USH2A: variants seen among roughly 807,000 people sequenced by gnomAD.
USH2A encodes the protein usherin, also known as Usher syndrome 2A (autosomal recessive, mild).
A neutral mutation model predicts 538.9 loss-of-function variants in USH2A; 443 were observed. That is an observed-to-expected ratio of 0.82 (90% CI 0.76 to 0.89). USH2A has a LOEUF of 0.89. USH2A is among the 40% of genes least tolerant of loss of function. USH2A has a pLI of 0.00. For missense variants in USH2A, 6,633 were observed against 6,324.8 expected (o/e 1.05, Z -1.65); for synonymous variants, 2,413 against 2,273.5 (o/e 1.06, Z -1.75).
chr1:215,784,768 T>C (rs1661746461), intron 52 of USH2A, among the ~76,000 whole-genome samples: 3 of 152,344 alleles, frequency 2.0e-5, no homozygotes, highest in African/African-American at 7.2e-5. Context: ...ATTCAATTTG[T>C]AGTATTTTCT....
intron 32 of USH2A, among the ~76,000 whole-genome samples, chr1:216,022,871 C>T (rs1037240942): frequency 4.6e-5 from 7 of 152,088 alleles, no homozygotes; most frequent in African/African-American, 1.7e-4. Context: ...GGTGGAGCAG[C>T]AATGGAAGAA....
chr1:216,177,482 C>T (rs17026237), intron 20 of USH2A, among the ~76,000 whole-genome samples: 1,637 of 152,162 alleles, frequency 0.011, 22 homozygotes, highest in African/African-American at 0.038. Flanking sequence ...AAATAACAAG[C>T]CTGTGAGTTC....
intron 3 of USH2A, among the ~76,000 whole-genome samples, chr1:216,402,282 G>T (rs1260947094): frequency 6.6e-6 from 1 of 152,038 alleles, no homozygotes; most frequent in Non-Finnish European, 1.5e-5. Flanking sequence ...CAATTTATTT[G>T]AAACTAAACA....
intron 61 of USH2A, among the ~76,000 whole-genome samples, chr1:215,716,219 T>C (rs1249169019): frequency 2.0e-5 from 3 of 152,204 alleles, no homozygotes; most frequent in Non-Finnish European, 2.9e-5. Context: ...GCCCGCCAAG[T>C]AGAAAGCCGA....
chr1:216,115,909 T>A (rs1438276819), intron 21 of USH2A, among the ~76,000 whole-genome samples: 1 of 151,788 alleles, frequency 6.6e-6, no homozygotes, highest in East Asian at 1.9e-4. Context: ...CAGCATGCAT[T>A]TTTGTTTTTT....
At chr1:215,948,221 A>G (rs978077756) in intron 37 of USH2A, among the ~76,000 whole-genome samples, 5 of 151,948 alleles carry the variant, frequency 3.3e-5, no homozygotes, top group Non-Finnish European at 5.9e-5. Flanking sequence ...AACATGATAT[A>G]AAGTCCTTCC....
chr1:215,746,174 C>A (rs777701290), intron 58 of USH2A, among the ~76,000 whole-genome samples: 2 of 152,142 alleles, frequency 1.3e-5, no homozygotes, highest in Admixed American at 6.6e-5. Context: ...TGCGTGGTTT[C>A]TTTATGGGTA....
Position 216,246,956 on chromosome 1 carries a change from C to T in USH2A, c.2438G>A (p.Gly813Glu), listed in dbSNP as rs1330954314. The T allele has an allele frequency of 9.9e-6, 16 of 1,613,936 alleles. No individual in the cohort carries two copies. Among genetic ancestry groups the T allele is most frequent in the African/African-American group, 1.3e-5 (1 of 74,898 alleles). The change falls in exon 13 of 72, where the codon GGG becomes GAG. Residue 813 changes from glycine to glutamate, a missense_variant. Coordinates refer to ENST00000307340, the MANE Select transcript of USH2A (RefSeq NM_206933.4). ...AACATTGGGCTTGCAGATGCACTGC[C>T]CTGTCTTAGCATTACAGACAGTCCC... is the stretch of plus-strand genomic sequence containing the variant. ...LPGTVCNAKT[G>E]QCICKPNVEG...
chr1:215,872,003 T>C (rs752181389), intron 43 of USH2A, among the ~76,000 whole-genome samples: 3 of 152,232 alleles, frequency 2.0e-5, no homozygotes, highest in Non-Finnish European at 4.4e-5. Flanking sequence ...GTCAACTTTA[T>C]TGATGTCCTA....
At chr1:216,245,252 C>T (rs927943544) in intron 13 of USH2A, among the ~76,000 whole-genome samples, 1 of 152,140 alleles carries the variant, frequency 6.6e-6, no homozygotes, top group Non-Finnish European at 1.5e-5. Flanking sequence ...AAGCTATACT[C>T]ATTTTATAAG....
At chr1:216,216,376 A>G (rs1374415445) in intron 15 of USH2A, among the ~76,000 whole-genome samples, 10 of 152,110 alleles carry the variant, frequency 6.6e-5, no homozygotes, top group Admixed American at 6.6e-4. Flanking sequence ...CCTGCTTTCC[A>G]TTACCTCAAA....
chr1:216,196,591 G>A lies in USH2A; in HGVS notation c.4213C>T (p.Gln1405Ter). ...VGYDINMLSE[Q>*]SPQQSIPMAF... ...ATGGGAATAGACTGTTGAGGTGATT[G>A]TTCAGAAAGCATATTGATGTCATAC... Residue 1405 changes from glutamine (Q) to a stop codon, truncating the protein, a stop_gained, in exon 19 of 72, where the codon CAA becomes TAA. Coordinates refer to ENST00000307340, the MANE Select transcript of USH2A (RefSeq NM_206933.4). LOFTEE classifies it high-confidence loss of function. 6.2e-7 allele frequency: 1 copy of A among 1,613,556 alleles called. No individual in the cohort carries two copies. Among genetic ancestry groups the A allele is most frequent in the South Asian group, 1.1e-5 (1 of 91,076 alleles).
At position 216,260,770 on chromosome 1, in the gene USH2A, C is replaced by A. The variant is rs114758738; in HGVS notation, c.1972-9672G>T. Among the ~76,000 whole-genome samples the A allele has an allele frequency of 8.4e-3, 1,277 of 152,216 alleles. 19 individuals carry two copies. Among genetic ancestry groups the A allele is most frequent in the African/African-American group, 0.03 (1,238 of 41,570 alleles). On this transcript the variant is annotated intron_variant, in intron 11 of 71. Coordinates refer to ENST00000307340, the MANE Select transcript of USH2A (RefSeq NM_206933.4). Reference sequence around the variant, plus strand: ...CTCCATTATATTGGAACATCAACAACTTGTTATTGGAAGAGGCACAAGGTA... The same window carrying A: ...CTCCATTATATTGGAACATCAACAAATTGTTATTGGAAGAGGCACAAGGTA...
intron 60 of USH2A, among the ~76,000 whole-genome samples, chr1:215,736,748 A>C (rs936545376): frequency 1.3e-5 from 2 of 152,000 alleles, no homozygotes; most frequent in Non-Finnish European, 2.9e-5. Flanking sequence ...GTAAATGAAC[A>C]ATCTTACTTA....
chr1:215,781,551 C>T (rs753353034), intron 54 of USH2A, among the ~76,000 whole-genome samples: 1 of 152,150 alleles, frequency 6.6e-6, no homozygotes, highest in South Asian at 2.1e-4. Context: ...GTTCTGACCT[C>T]TGCTGCCTAA....
At chr1:216,180,439 C>T (rs1036372762) in intron 20 of USH2A, among the ~76,000 whole-genome samples, 6 of 152,112 alleles carry the variant, frequency 3.9e-5, no homozygotes, top group Admixed American at 2.6e-4. Context: ...TTATAATATG[C>T]ATTCTTTATG....
chr1:215,673,965 G>C, intron 63 of USH2A, 135 bp downstream of exon 63: 1 of 1,470,028 alleles, frequency 6.8e-7, no homozygotes, highest in Non-Finnish European at 9.4e-7. Flanking sequence ...TGTCTACTAT[G>C]CACGTTTAGG....
At chr1:215,781,579 T>C (rs756810269) in intron 54 of USH2A, among the ~76,000 whole-genome samples, 1 of 152,226 alleles carries the variant, frequency 6.6e-6, no homozygotes, top group Admixed American at 6.5e-5. Context: ...TCTTCATTAT[T>C]TCTTGACAAG....
intron 16 of USH2A, 74 bp downstream of exon 16, chr1:216,207,199 C>T (rs897615737): frequency 2.9e-5 from 45 of 1,578,106 alleles, no homozygotes; most frequent in Non-Finnish European, 3.0e-5. Context: ...AGCATTTATC[C>T]TCAATGTCAA....
Sources: allele counts gnomAD v4.1 joint callset (sites outside exome capture counted in the v4.1 genomes callset), GRCh38; gene constraint gnomAD v4.1.1; transcripts MANE v1.5; gene names NCBI Gene and HGNC (gene_info 2026-07-23, HGNC 2026-07-21).